Variants in SCHIP1 observed in about 807,000 individuals in gnomAD.
The protein encoded by SCHIP1 is schwannomin-interacting protein 1.
In SCHIP1, 8 loss-of-function variants were observed where a neutral mutation model predicts 29.7. The observed-to-expected ratio is 0.27, with a 90% confidence interval of 0.16 to 0.49. SCHIP1 has a LOEUF of 0.49. SCHIP1 is among the 20% of genes least tolerant of loss of function. SCHIP1 has a pLI of 0.99. For missense variants in SCHIP1, 193 were observed against 294.6 expected, an observed-to-expected ratio of 0.66 and a Z score of 2.52; for synonymous variants, 76 against 94.9, an observed-to-expected ratio of 0.80 and a Z score of 1.16.
At chr3:159,747,120 T>C in the SCHIP1 span, among the ~76,000 whole-genome samples, 1 of 152,204 alleles carries the variant, frequency 6.6e-6, no homozygotes, top group Non-Finnish European at 1.5e-5. Context: ...ACATAGTAGA[T>C]ATTTGGATGA....
the SCHIP1 span, among the ~76,000 whole-genome samples, chr3:159,585,755 A>G: frequency 1.1e-4 from 17 of 152,174 alleles, no homozygotes; most frequent in African/African-American, 3.4e-4. Flanking sequence ...ATCTGACCCT[A>G]TAGTATAACT....
chr3:159,822,709 C>T, the SCHIP1 span, among the ~76,000 whole-genome samples: 3 of 149,232 alleles, frequency 2.0e-5, no homozygotes, highest in Admixed American at 1.3e-4. Flanking sequence ...ACAGAACTAA[C>T]ACTGGAAAAT....
At chr3:159,612,671 G>A in the SCHIP1 span, among the ~76,000 whole-genome samples, 1,868 of 152,148 alleles carry the variant, frequency 0.012, 38 homozygotes, top group African/African-American at 0.042. Flanking sequence ...TGCTTGAACC[G>A]GGGAGGCGGA....
chr3:159,789,990 A>C, the SCHIP1 span, among the ~76,000 whole-genome samples: 2 of 152,322 alleles, frequency 1.3e-5, no homozygotes, highest in African/African-American at 4.8e-5. Flanking sequence ...GATCCAAAAC[A>C]GGTGATTTAA....
chr3:159,648,491 G>A, the SCHIP1 span, among the ~76,000 whole-genome samples: 2 of 152,294 alleles, frequency 1.3e-5, no homozygotes, highest in East Asian at 1.9e-4. Context: ...CCTGGAATAT[G>A]TTTAGCACAG....
the SCHIP1 span, among the ~76,000 whole-genome samples, chr3:159,324,811 T>C: frequency 6.6e-6 from 1 of 152,178 alleles, no homozygotes; most frequent in African/African-American, 2.4e-5. Flanking sequence ...ATTTTTGCTT[T>C]CATTTTCTAC....
the SCHIP1 span, among the ~76,000 whole-genome samples, chr3:159,801,119 T>A: frequency 6.6e-6 from 1 of 152,172 alleles, no homozygotes; most frequent in African/African-American, 2.4e-5. Context: ...TCTCTCATTA[T>A]ATCAAATACG....
chr3:159,512,738 T>C, the SCHIP1 span, among the ~76,000 whole-genome samples: 5 of 152,194 alleles, frequency 3.3e-5, no homozygotes, highest in Non-Finnish European at 5.9e-5. Context: ...TTTGAAACTG[T>C]ACAGTTAAGT....
chr3:159,338,794 T>C, the SCHIP1 span, among the ~76,000 whole-genome samples: 1 of 152,174 alleles, frequency 6.6e-6, no homozygotes, highest in East Asian at 1.9e-4. Flanking sequence ...TAAGACATTT[T>C]CCACATGCTG....
At chr3:159,388,212 C>T in the SCHIP1 span, among the ~76,000 whole-genome samples, 2 of 152,012 alleles carry the variant, frequency 1.3e-5, no homozygotes, top group Non-Finnish European at 2.9e-5. Flanking sequence ...CTAAGACTAT[C>T]AACTGCAAAA....
chr3:159,881,173 C>T (rs1483233626), intron 2 of SCHIP1, among the ~76,000 whole-genome samples: 1 of 152,154 alleles, frequency 6.6e-6, no homozygotes, highest in Non-Finnish European at 1.5e-5. Flanking sequence ...TTCTTCATGA[C>T]AGATTCTCAG....
At chr3:159,394,991 G>A in the SCHIP1 span, among the ~76,000 whole-genome samples, 1 of 152,166 alleles carries the variant, frequency 6.6e-6, no homozygotes, top group Non-Finnish European at 1.5e-5. Context: ...CACAAATTCA[G>A]ATCCTGTTAT....
chr3:159,794,671 C>G, the SCHIP1 span, among the ~76,000 whole-genome samples: 3 of 152,116 alleles, frequency 2.0e-5, no homozygotes, highest in Non-Finnish European at 4.4e-5. Context: ...TTACTATATG[C>G]ATGTAAGATA....
the SCHIP1 span, among the ~76,000 whole-genome samples, chr3:159,447,853 C>T: frequency 6.6e-6 from 1 of 152,178 alleles, no homozygotes; most frequent in African/African-American, 2.4e-5. Flanking sequence ...AATTTTTTTC[C>T]TTTTGCATTC....
the SCHIP1 span, among the ~76,000 whole-genome samples, chr3:159,630,530 C>T: frequency 6.6e-6 from 1 of 152,242 alleles, no homozygotes; most frequent in African/African-American, 2.4e-5. Flanking sequence ...ATGGCATTTG[C>T]AGCAACCTGG....
the SCHIP1 span, among the ~76,000 whole-genome samples, chr3:159,667,089 A>G: frequency 6.6e-6 from 1 of 152,212 alleles, no homozygotes; most frequent in African/African-American, 2.4e-5. Flanking sequence ...AGCCCTCAGT[A>G]TATGTTTGTT....
At chr3:159,683,297 C>T in the SCHIP1 span, among the ~76,000 whole-genome samples, 1 of 152,026 alleles carries the variant, frequency 6.6e-6, no homozygotes, top group Non-Finnish European at 1.5e-5. Flanking sequence ...AGTGATCTGC[C>T]CACCTCAACC....
chr3:159,863,455 T>G (rs910605225), intron 1 of SCHIP1, among the ~76,000 whole-genome samples: 6 of 151,926 alleles, frequency 3.9e-5, no homozygotes, highest in Non-Finnish European at 7.4e-5. Context: ...AAAGATTGTG[T>G]TTTTTTTCCT....
exon 1 of SCHIP1, chr3:159,839,916 C>G: frequency 1.4e-6 from 2 of 1,402,510 alleles, no homozygotes; most frequent in Non-Finnish European, 1.8e-6. Flanking sequence ...AGCGCCCCCT[C>G]CCCCAGCCCG....
Sources: allele counts gnomAD v4.1 joint callset (sites outside exome capture counted in the v4.1 genomes callset), GRCh38; gene constraint gnomAD v4.1.1; transcripts MANE v1.5; gene names NCBI Gene and HGNC (gene_info 2026-07-23, HGNC 2026-07-21).